Variants in STK38L observed in about 807,000 individuals in gnomAD.
STK38L encodes serine/threonine-protein kinase 38-like.
A neutral mutation model predicts 59.7 loss-of-function variants in STK38L; 28 were observed. The ratio of observed to expected loss-of-function variants is 0.47; its 90% CI spans 0.35 to 0.64. STK38L has a LOEUF of 0.64. STK38L is among the 30% of genes least tolerant of loss of function. STK38L has a pLI of 0.01. For synonymous variants in STK38L, 162 were observed against 176.8 expected (o/e 0.92, Z 0.66); for missense variants, 314 against 555.8 (o/e 0.56, Z 4.37).
chr12:27,259,158 G>T (rs536571604), intron 1 of STK38L, among the ~76,000 whole-genome samples: 3 of 152,242 alleles, frequency 2.0e-5, no homozygotes, highest in African/African-American at 7.2e-5. Context: ...AATCATCTAG[G>T]ATTTTCTTCC....
At chr12:27,270,379 CTTATTTAT>C (rs902926175) in intron 1 of STK38L, among the ~76,000 whole-genome samples, 3 of 151,324 alleles carry the variant, frequency 2.0e-5, no homozygotes, top group Non-Finnish European at 4.4e-5. Context: ...CTGATTGATT[CTTATTTAT>C]TTATTTATTT....
chr12:27,301,294 T>G (rs1445625179), intron 2 of STK38L, among the ~76,000 whole-genome samples: 4 of 152,224 alleles, frequency 2.6e-5, no homozygotes, highest in Non-Finnish European at 4.4e-5. Flanking sequence ...AGTCTCACTC[T>G]GTCGCCCATG....
chr12:27,266,495 A>G (rs1230405922), intron 1 of STK38L, among the ~76,000 whole-genome samples: 1 of 152,198 alleles, frequency 6.6e-6, no homozygotes, highest in Non-Finnish European at 1.5e-5. Context: ...CAGTGGTAGA[A>G]ATTCTTTATA....
chr12:27,305,782 GTTAT>G, intron 3 of STK38L, among the ~76,000 whole-genome samples: 1 of 152,272 alleles, frequency 6.6e-6, no homozygotes, highest in African/African-American at 2.4e-5. Flanking sequence ...AACATGGAAT[GTTAT>G]TTACTCTAAT....
At chr12:27,284,253 G>A (rs975089513) in intron 1 of STK38L, among the ~76,000 whole-genome samples, 2 of 152,174 alleles carry the variant, frequency 1.3e-5, no homozygotes, top group African/African-American at 4.8e-5. Context: ...ACAGTGTCCT[G>A]GAGTGGTCAC....
chr12:27,295,044 C>G (rs1943983579), intron 1 of STK38L, among the ~76,000 whole-genome samples: 1 of 152,104 alleles, frequency 6.6e-6, no homozygotes, highest in East Asian at 1.9e-4. Context: ...AGAACATGAG[C>G]CCAATGATTC....
rs540921489 is a variant in STK38L, at chr12:27,322,557, G to T, written c.*102G>T. Reference sequence around the variant, plus strand: ...ACACTGAAATACTCCTGAAGATGGTGGTGCTTATTGACTACAAGAGGAAAT... The same window carrying T: ...ACACTGAAATACTCCTGAAGATGGTTGTGCTTATTGACTACAAGAGGAAAT... On this transcript the variant is annotated 3_prime_UTR_variant, in exon 14 of 14. Transcript: ENST00000389032. The T allele has an allele frequency of 2.1e-6, 3 of 1,443,234 alleles. No individual in the cohort carries two copies. The highest frequency in any genetic ancestry group is 2.8e-6 in the Non-Finnish European group (3 of 1,089,242). 89.4% of individuals were successfully genotyped at this position (1,443,234 alleles called of 1,614,324 possible). A position where few individuals can be genotyped will look rare whatever the true frequency, so the allele number is the denominator to read the frequency against.
intron 2 of STK38L, among the ~76,000 whole-genome samples, chr12:27,298,648 A>C (rs1205566586): frequency 6.6e-6 from 1 of 152,228 alleles, no homozygotes; most frequent in Non-Finnish European, 1.5e-5. Flanking sequence ...TTGTCTAGGC[A>C]ACTGGGAAAG....
chr12:27,304,938 A>T (rs28612750), intron 3 of STK38L, among the ~76,000 whole-genome samples: 3 of 151,998 alleles, frequency 2.0e-5, no homozygotes, highest in Admixed American at 6.5e-5. Context: ...TTTCCTTTTT[A>T]AAAAATATTA....
At chr12:27,305,155 A>G (rs1484176770) in intron 3 of STK38L, among the ~76,000 whole-genome samples, 3 of 152,236 alleles carry the variant, frequency 2.0e-5, no homozygotes, top group Admixed American at 6.5e-5. Context: ...TTTCCAGAGA[A>G]GCTAGTAATC....
intron 9 of STK38L, among the ~76,000 whole-genome samples, chr12:27,316,276 T>C (rs1257143556): frequency 6.6e-6 from 1 of 152,240 alleles, no homozygotes; most frequent in African/African-American, 2.4e-5. Flanking sequence ...AGAAAAACTT[T>C]GTTCTACTTT....
At chr12:27,255,227 CG>C (rs1427470691) in intron 1 of STK38L, among the ~76,000 whole-genome samples, 3 of 152,212 alleles carry the variant, frequency 2.0e-5, no homozygotes, top group East Asian at 3.9e-4. Context: ...GAATTTTTAC[CG>C]TAGTAAAACT....
intron 1 of STK38L, among the ~76,000 whole-genome samples, chr12:27,265,290 G>C (rs558536718): frequency 1.3e-5 from 2 of 152,208 alleles, no homozygotes; most frequent in East Asian, 3.9e-4. Flanking sequence ...GTGTGTATAG[G>C]ATCGTGCACT....
At chr12:27,255,704 G>T (rs1438054366) in intron 1 of STK38L, among the ~76,000 whole-genome samples, 1 of 152,010 alleles carries the variant, frequency 6.6e-6, no homozygotes, top group Non-Finnish European at 1.5e-5. Flanking sequence ...GTGCTCTTTT[G>T]TCCCCAATCC....
chr12:27,246,328 T>TG lies in STK38L; in HGVS notation c.-12+1996_-12+1997insG, dbSNP rs1555126837. Among the ~76,000 whole-genome samples, 6 of 151,584 alleles carry TG rather than the reference T, an allele frequency of 4.0e-5. No homozygotes were observed. In the East Asian group the frequency reaches 9.7e-4, roughly 24 times the overall value. ...GATCCAGGATAAGTTGGAGGCTCTT[T>TG]TGTGTGTGTGTGGCACTTTTTGTTA... On this transcript the variant is annotated intron_variant, in intron 1 of 13. Coordinates refer to ENST00000389032, the MANE Select transcript of STK38L (RefSeq NM_015000.4).
chr12:27,275,437 C>T (rs941620605), intron 1 of STK38L, among the ~76,000 whole-genome samples: 1 of 151,496 alleles, frequency 6.6e-6, no homozygotes, highest in African/African-American at 2.4e-5. Flanking sequence ...TCTGCTTCCC[C>T]AGTTCAAGTG....
intron 5 of STK38L, among the ~76,000 whole-genome samples, chr12:27,310,072 A>G (rs2136646258): frequency 6.6e-6 from 1 of 152,306 alleles, no homozygotes; most frequent in Non-Finnish European, 1.5e-5. Flanking sequence ...TTGAAGGCTC[A>G]TTGAGATTTG....
chr12:27,292,652 C>G (rs1027393661), intron 1 of STK38L, among the ~76,000 whole-genome samples: 1 of 152,150 alleles, frequency 6.6e-6, no homozygotes, highest in African/African-American at 2.4e-5. Flanking sequence ...TACTGCGATG[C>G]TTTCATTACA....
In STK38L at chr12:27,308,325, T is replaced by G. The variant is rs778868876; in HGVS notation, c.187-14T>G. The stretch of plus-strand genomic sequence containing the variant: ...ATTATAAAATCATCCGTTTAAATTG[T>G]TTTTTTTTAATAGAAAAAGTTACGT... On this transcript the variant is annotated splice_polypyrimidine_tract_variant and intron_variant, in intron 3 of 13. Transcript: ENST00000389032. The surrounding 1 kb of genome is among the most constrained non-coding windows in gnomAD (Gnocchi z 4.5). The G allele has an allele frequency of 2.4e-5, 35 of 1,487,076 alleles. No homozygotes were observed. In the South Asian group the frequency reaches 2.6e-4, roughly 11 times the overall value. The allele number at this position is 1,487,076 out of a possible 1,614,324, so 92.1% of individuals were successfully genotyped here. A position where few individuals can be genotyped will look rare whatever the true frequency, so the allele number is the denominator to read the frequency against.
Sources: gnomAD v4.1 joint callset for allele counts (sites outside exome capture counted in the v4.1 genomes callset) on GRCh38, gnomAD v4.1.1 for gene constraint, Gnocchi (gnomAD v3.1) non-coding constraint, MANE v1.5 for transcripts, NCBI Gene and HGNC (gene_info 2026-07-23, HGNC 2026-07-21) for gene names.